Variants in NRXN3 observed in about 807,000 individuals in gnomAD.
NRXN3 encodes the protein neurexin 3.
Under a neutral mutation model 137.6 loss-of-function variants are expected in NRXN3, and 32 were observed. The ratio of observed to expected loss-of-function variants is 0.23; its 90% CI spans 0.18 to 0.31. The LOEUF is 0.31. NRXN3 is among the 10% of genes least tolerant of loss of function. NRXN3 has a pLI of 1.00. For synonymous variants in NRXN3, 798 were observed against 784.5 expected, an observed-to-expected ratio of 1.02 and a Z score of -0.29; for missense variants, 1,574 against 2,062.5, an observed-to-expected ratio of 0.76 and a Z score of 4.59.
intron 4 of NRXN3, among the ~76,000 whole-genome samples, chr14:78,529,855 T>A (rs555725382): frequency 6.6e-6 from 1 of 152,204 alleles, no homozygotes; most frequent in Non-Finnish European, 1.5e-5. Flanking sequence ...CTGACTTTTA[T>A]GTAGAATAAC....
chr14:78,482,325 T>C (rs1283688526), intron 4 of NRXN3, among the ~76,000 whole-genome samples: 3 of 152,194 alleles, frequency 2.0e-5, no homozygotes, highest in African/African-American at 7.2e-5. Context: ...CCCATTGAGG[T>C]AGACAATGAT....
chr14:78,596,864 C>G (rs1355543566), intron 4 of NRXN3, among the ~76,000 whole-genome samples: 1 of 152,142 alleles, frequency 6.6e-6, no homozygotes, highest in Non-Finnish European at 1.5e-5. Context: ...GCTCTGAGGG[C>G]ACAGTCTAAA....
chr14:78,613,603 T>TTTTTTTTTC (rs2097319824), intron 4 of NRXN3, among the ~76,000 whole-genome samples: 1 of 122,310 alleles, frequency 8.2e-6, no homozygotes, highest in African/African-American at 3.5e-5. Context: ...TTTTTTTTTT[T>TTTTTTTTTC]CCCTTGGAAA....
At chr14:79,715,620 A>G (rs747074350) in intron 19 of NRXN3, among the ~76,000 whole-genome samples, 10 of 152,232 alleles carry the variant, frequency 6.6e-5, no homozygotes, top group Non-Finnish European at 1.2e-4. Context: ...AAGATAATAA[A>G]GCAAGTGTAG....
chr14:78,627,702 G>T (rs1235230508), intron 4 of NRXN3, among the ~76,000 whole-genome samples: 1 of 152,162 alleles, frequency 6.6e-6, no homozygotes, highest in Non-Finnish European at 1.5e-5. Flanking sequence ...CCTAGGTTCT[G>T]GTCTTGGGTA....
intron 15 of NRXN3, among the ~76,000 whole-genome samples, chr14:79,407,817 G>A (rs1003066711): frequency 1.3e-5 from 2 of 152,042 alleles, no homozygotes; most frequent in Non-Finnish European, 2.9e-5. Context: ...GGGAATCAAG[G>A]GTAGGACACA....
At chr14:79,280,409 G>T in intron 15 of NRXN3, 1 of 1,614,054 alleles carries the variant, frequency 6.2e-7, no homozygotes, top group East Asian at 2.2e-5. Flanking sequence ...TTCTAATGTA[G>T]CTTCCTCCTC....
chr14:79,429,511 A>G (rs1392094393), intron 15 of NRXN3, among the ~76,000 whole-genome samples: 2 of 152,330 alleles, frequency 1.3e-5, no homozygotes. Context: ...GGTAAAAAGA[A>G]ACTGTCTAGC....
rs374641538 is a variant in NRXN3, at chr14:79,429,488, G to A, written c.3263-37733G>A. Among the ~76,000 whole-genome samples, 6 of 152,260 alleles carry A rather than the reference G, an allele frequency of 3.9e-5. No individual in the cohort carries two copies. The East Asian group carries it at 1.2e-3, about 29-fold the overall frequency. On this transcript the variant is annotated intron_variant, in intron 15 of 20. Coordinates refer to ENST00000335750, the MANE Select transcript of NRXN3 (RefSeq NM_001330195.2). Reference sequence around the variant, plus strand: ...ATGTGAGTAACAAGAGTTTCTCGTAGGAACTATGTAAAGGTAAAAAGAAAC... The same window carrying A: ...ATGTGAGTAACAAGAGTTTCTCGTAAGAACTATGTAAAGGTAAAAAGAAAC...
chr14:78,633,772 T>A (rs17107968), intron 4 of NRXN3, among the ~76,000 whole-genome samples: 1 of 152,164 alleles, frequency 6.6e-6, no homozygotes. Flanking sequence ...CATTGAAAGC[T>A]TTAAGAGTAC....
chr14:79,275,821 T>A (rs929297760), intron 15 of NRXN3, among the ~76,000 whole-genome samples: 4 of 152,006 alleles, frequency 2.6e-5, no homozygotes, highest in Non-Finnish European at 4.4e-5. Context: ...TAAAATTGTA[T>A]TCCATTTAGA....
intron 10 of NRXN3, among the ~76,000 whole-genome samples, chr14:78,866,053 C>A (rs181782373): frequency 6.6e-6 from 1 of 152,136 alleles, no homozygotes; most frequent in Admixed American, 6.5e-5. Context: ...AAGACTGAAA[C>A]TAATCAGGTC....
intron 10 of NRXN3, among the ~76,000 whole-genome samples, chr14:78,833,027 C>A (rs754231803): frequency 6.6e-6 from 1 of 152,124 alleles, no homozygotes; most frequent in Non-Finnish European, 1.5e-5. Flanking sequence ...GATTTGTAAC[C>A]TAGGGGTTGG....
At chr14:78,473,904 C>T (rs1347100638) in intron 4 of NRXN3, among the ~76,000 whole-genome samples, 2 of 152,166 alleles carry the variant, frequency 1.3e-5, no homozygotes, top group South Asian at 2.1e-4. Flanking sequence ...TTACAAGGGA[C>T]CCAAAAGAGC....
At chr14:78,793,985 G>A (rs1407589841) in intron 8 of NRXN3, among the ~76,000 whole-genome samples, 2 of 152,040 alleles carry the variant, frequency 1.3e-5, no homozygotes, top group African/African-American at 4.8e-5. Flanking sequence ...GATAAAAATA[G>A]CAAAAAATCA....
At chr14:78,578,036 C>T (rs976024647) in intron 4 of NRXN3, among the ~76,000 whole-genome samples, 1 of 151,908 alleles carries the variant, frequency 6.6e-6, no homozygotes, top group African/African-American at 2.4e-5. Flanking sequence ...TCTAAGTCAG[C>T]TATGTAAATG....
chr14:78,821,173 T>C (rs1250296829), intron 10 of NRXN3, among the ~76,000 whole-genome samples: 1 of 152,154 alleles, frequency 6.6e-6, no homozygotes, highest in African/African-American at 2.4e-5. Context: ...AATTAGAATA[T>C]TTTTACCTAA....
At chr14:79,388,727 C>G (rs2094733611) in intron 15 of NRXN3, among the ~76,000 whole-genome samples, 1 of 152,116 alleles carries the variant, frequency 6.6e-6, no homozygotes, top group South Asian at 2.1e-4. Context: ...GAGGGAGAGG[C>G]AATTAATTTC....
intron 16 of NRXN3, among the ~76,000 whole-genome samples, chr14:79,534,815 T>C (rs1481807285): frequency 2.0e-5 from 3 of 152,134 alleles, no homozygotes; most frequent in Non-Finnish European, 4.4e-5. Context: ...TGTATGACAA[T>C]GAATCAGGAA....
Sources: gnomAD v4.1 joint callset for allele counts (sites outside exome capture counted in the v4.1 genomes callset) on GRCh38, gnomAD v4.1.1 for gene constraint, MANE v1.5 for transcripts, NCBI Gene and HGNC (gene_info 2026-07-23, HGNC 2026-07-21) for gene names.